Variants in PACSIN1 observed in about 807,000 individuals in gnomAD.
The protein encoded by PACSIN1 is protein kinase C and casein kinase substrate in neurons 1.
In PACSIN1, 15 loss-of-function variants were observed where a neutral mutation model predicts 59.5. The observed-to-expected ratio is 0.25, with a 90% CI of 0.17 to 0.39. The LOEUF (loss-of-function observed/expected upper bound fraction) is 0.39, where lower values mean the gene tolerates loss of function less well. Ranked by LOEUF, PACSIN1 falls within the 10% of genes least tolerant of loss-of-function variation. The pLI is 1.00. For missense variants in PACSIN1, 420 were observed against 580.2 expected, an observed-to-expected ratio of 0.72 and a Z score of 2.84; for synonymous variants, 210 against 220.6, an observed-to-expected ratio of 0.95 and a Z score of 0.42.
intron 1 of PACSIN1, among the ~76,000 whole-genome samples, chr6:34,505,915 A>AG (rs1198725775): frequency 1.3e-5 from 2 of 151,880 alleles, no homozygotes; most frequent in East Asian, 3.9e-4. Flanking sequence ...TACAGGTGTG[A>AG]GGCACCACAC....
At chr6:34,509,453 G>A in intron 1 of PACSIN1, among the ~76,000 whole-genome samples, 1 of 152,154 alleles carries the variant, frequency 6.6e-6, no homozygotes, top group East Asian at 1.9e-4. Flanking sequence ...ACAGTACCAT[G>A]CTGTTTTAAT....
At chr6:34,472,465 TC>T (rs1467334792) in intron 1 of PACSIN1, among the ~76,000 whole-genome samples, 1 of 152,154 alleles carries the variant, frequency 6.6e-6, no homozygotes, top group Non-Finnish European at 1.5e-5. Context: ...CCTCTTTATT[TC>T]AGCCATTCTG....
chr6:34,473,075 C>T (rs545443992), intron 1 of PACSIN1, among the ~76,000 whole-genome samples: 44 of 152,162 alleles, frequency 2.9e-4, no homozygotes, highest in African/African-American at 1.1e-3. Flanking sequence ...TGCTTGTGAG[C>T]CTCTCTGCCT....
chr6:34,475,415 C>T (rs1766625353), intron 1 of PACSIN1, among the ~76,000 whole-genome samples: 1 of 152,194 alleles, frequency 6.6e-6, no homozygotes, highest in Admixed American at 6.5e-5. Context: ...CAAGGATTCC[C>T]GGGCAAATGA....
intron 1 of PACSIN1, among the ~76,000 whole-genome samples, chr6:34,513,501 G>C (rs951544118): frequency 6.6e-6 from 1 of 152,106 alleles, no homozygotes; most frequent in Non-Finnish European, 1.5e-5. Flanking sequence ...CTGGGCCCCA[G>C]TCCCCACTCT....
In PACSIN1 at chr6:34,529,649, C is replaced by T. The variant is rs754419370; in HGVS notation, c.613-17C>T. 7.4e-6 allele frequency: 12 copies of T among 1,613,346 alleles called. No homozygotes were observed. The highest frequency in any genetic ancestry group is 1.0e-5 in the Non-Finnish European group (12 of 1,179,482). On this transcript the variant is annotated splice_polypyrimidine_tract_variant and intron_variant, in intron 5 of 9. Coordinates refer to ENST00000244458, the MANE Select transcript of PACSIN1 (RefSeq NM_020804.5). This position sits in a 1 kb window ranked among gnomAD's most constrained non-coding sequence, Gnocchi z 6.3. Reference sequence around the variant, plus strand: ...GCCTGGCTAGGTGTCACCCTCTCTCCACTCTGGTGCCCACAGACACAGGAG... The same window carrying T: ...GCCTGGCTAGGTGTCACCCTCTCTCTACTCTGGTGCCCACAGACACAGGAG...
Position 34,521,888 on chromosome 6 carries a change from C to A in PACSIN1, c.-63-4355C>A, listed in dbSNP as rs1013628253. On this transcript the variant is annotated intron_variant, in intron 1 of 9. Transcript: ENST00000244458. This position sits in a 1 kb window ranked among gnomAD's most constrained non-coding sequence, Gnocchi z 4.3. ...GAGAGAGCCACACACGGTCTCACAG[C>A]CCATACATGAGAGAGCCAGGGTTTG... Among the ~76,000 whole-genome samples the A allele has an allele frequency of 6.6e-6, 1 of 152,148 alleles. No homozygotes were observed. Among genetic ancestry groups the A allele is most frequent in the African/African-American group, 2.4e-5 (1 of 41,418 alleles).
intron 1 of PACSIN1, among the ~76,000 whole-genome samples, chr6:34,479,541 T>C (rs1329152062): frequency 3.3e-5 from 5 of 152,102 alleles, no homozygotes; most frequent in Non-Finnish European, 5.9e-5. Flanking sequence ...GCTCAAGCAA[T>C]CCTCCCACCT....
Position 34,482,484 on chromosome 6 carries a change from A to G in PACSIN1, c.-64+16214A>G, listed in dbSNP as rs149175064. On this transcript the variant is annotated intron_variant, in intron 1 of 9. Coordinates refer to ENST00000244458, the MANE Select transcript of PACSIN1 (RefSeq NM_020804.5). ...TTATGGCTGAATCATATTCCATTGC[A>G]TGAATATACTACATTTTGTTTATCC... Among the ~76,000 whole-genome samples, 29 of 152,324 alleles carry G rather than the reference A, an allele frequency of 1.9e-4. No homozygotes were observed. The East Asian group carries it at 4.8e-3, about 25-fold the overall frequency.
chr6:34,530,715 G>A lies in PACSIN1; in HGVS notation c.1037+128G>A. The A allele has an allele frequency of 1.9e-6, 2 of 1,033,308 alleles. No homozygotes were observed. The highest frequency in any genetic ancestry group is 2.6e-6 in the Non-Finnish European group (2 of 769,894). The allele number at this position is 1,033,308 out of a possible 1,614,324, so 64.0% of individuals were successfully genotyped here. A position where few individuals can be genotyped will look rare whatever the true frequency, so the allele number is the denominator to read the frequency against. On this transcript the variant is annotated intron_variant, in intron 8 of 9. Transcript: ENST00000244458. This position sits in a 1 kb window ranked among gnomAD's most constrained non-coding sequence, Gnocchi z 4.4. The stretch of plus-strand genomic sequence containing the variant: ...TATGTCTCCTCTCTAAAAGATAGTG[G>A]TAGTTCATCACTCTAAAGCAGCCGT...
At position 34,518,969 on chromosome 6, in the gene PACSIN1, G is replaced by T. The variant is rs1767339968; in HGVS notation, c.-63-7274G>T. 1.3e-5 allele frequency among the ~76,000 whole-genome samples: 2 copies of T among 152,222 alleles called. No individual in the cohort carries two copies. The highest frequency in any genetic ancestry group is 2.9e-5 in the Non-Finnish European group (2 of 68,032). ...GGTGTCTTGTCTACTTGGCTTGAGA[G>T]CAGGGGAGGGATGTGGGCCTTTTGG... is the stretch of plus-strand genomic sequence containing the variant. On this transcript the variant is annotated intron_variant, in intron 1 of 9. Coordinates refer to ENST00000244458, the MANE Select transcript of PACSIN1 (RefSeq NM_020804.5). The surrounding 1 kb of genome is among the most constrained non-coding windows in gnomAD (Gnocchi z 4.4).
At position 34,483,394 on chromosome 6, in the gene PACSIN1, C is replaced by A. The variant is rs537395136; in HGVS notation, c.-64+17124C>A. Among the ~76,000 whole-genome samples, 15 of 152,274 alleles carry A rather than the reference C, an allele frequency of 9.9e-5. No homozygotes were observed. The South Asian group carries it at 3.1e-3, about 32-fold the overall frequency. On this transcript the variant is annotated intron_variant, in intron 1 of 9. Transcript: ENST00000244458. ...AAAGGACCTTGGGATGTAGGACCAA[C>A]CTTGCCCAGTCCCTTCATCTTACTG...
At chr6:34,470,633 C>T (rs535766539) in intron 1 of PACSIN1, among the ~76,000 whole-genome samples, 122 of 151,836 alleles carry the variant, frequency 8.0e-4, no homozygotes, top group African/African-American at 2.8e-3. Context: ...TCCCATTCAG[C>T]CTCCTGAGTA....
Position 34,528,884 on chromosome 6 carries a change from A to C in PACSIN1, c.456+7A>C. ...GGCCAAGAAGATGAAGGAGGTGCTC[A>C]GTGGGTGCTGCCACGGGCGGGGTGG... On this transcript the variant is annotated splice_region_variant and intron_variant, in intron 4 of 9. Coordinates refer to ENST00000244458, the MANE Select transcript of PACSIN1 (RefSeq NM_020804.5). The C allele has an allele frequency of 3.8e-6, 2 of 524,652 alleles. No individual in the cohort carries two copies. Among genetic ancestry groups the C allele is most frequent in the Non-Finnish European group, 6.6e-6 (2 of 302,916 alleles). The allele number at this position is 524,652 out of a possible 1,614,324, so 32.5% of individuals were successfully genotyped here. A position where few individuals can be genotyped will look rare whatever the true frequency, so the allele number is the denominator to read the frequency against.
rs537976767 is a variant in PACSIN1, at chr6:34,517,157, G to C, written c.-63-9086G>C. 2.6e-5 allele frequency among the ~76,000 whole-genome samples: 4 copies of C among 152,308 alleles called. No individual in the cohort carries two copies. In the South Asian group the frequency reaches 8.3e-4, roughly 32 times the overall value. On this transcript the variant is annotated intron_variant, in intron 1 of 9. Coordinates refer to ENST00000244458, the MANE Select transcript of PACSIN1 (RefSeq NM_020804.5). The stretch of plus-strand genomic sequence containing the variant: ...AGCTGCTCTGGCAGGAGCCATCCTT[G>C]ACTTCTCATCTCACCGCCACATCCA...
chr6:34,534,390 CA>C lies in PACSIN1; in HGVS notation c.*1861del, dbSNP rs1371743312. On this transcript the variant is annotated 3_prime_UTR_variant, in exon 10 of 10. Transcript: ENST00000244458. ...CTGTCTGGTCTCCGAGCTTCGGCTG[CA>C]GCCTGAGGTGTGTCCTGGGCTCCTC... 6.5e-6 allele frequency: 1 copy of C among 152,804 alleles called. No individual in the cohort carries two copies. Among genetic ancestry groups the C allele is most frequent in the Non-Finnish European group, 1.5e-5 (1 of 68,158 alleles). The allele number at this position is 152,804 out of a possible 1,614,324, so 9.5% of individuals were successfully genotyped here. A position where few individuals can be genotyped will look rare whatever the true frequency, so the allele number is the denominator to read the frequency against.
At chr6:34,489,036 C>T (rs1033700592) in intron 1 of PACSIN1, among the ~76,000 whole-genome samples, 2 of 151,920 alleles carry the variant, frequency 1.3e-5, no homozygotes, top group African/African-American at 2.4e-5. Flanking sequence ...CAAAAATTAG[C>T]CAGGTGTGGC....
At chr6:34,489,087 A>T (rs1240013645) in intron 1 of PACSIN1, among the ~76,000 whole-genome samples, 5 of 151,798 alleles carry the variant, frequency 3.3e-5, no homozygotes. Flanking sequence ...GGGCTGAGGC[A>T]GGAGGATCGC....
chr6:34,485,163 G>C (rs1460146149), intron 1 of PACSIN1: 2 of 152,072 alleles, frequency 1.3e-5, no homozygotes, highest in Admixed American at 1.3e-4. Context: ...CTCGCTGGAG[G>C]GTTTCAGCAG....
Sources: gnomAD v4.1 joint callset for allele counts (sites outside exome capture counted in the v4.1 genomes callset) on GRCh38, gnomAD v4.1.1 for gene constraint, Gnocchi (gnomAD v3.1) non-coding constraint, MANE v1.5 for transcripts, NCBI Gene and HGNC (gene_info 2026-07-23, HGNC 2026-07-21) for gene names.